BIRC6: variants seen among roughly 807,000 people sequenced by gnomAD.
The protein encoded by BIRC6 is dual E2 ubiquitin-conjugating enzyme/E3 ubiquitin-protein ligase BIRC6.
BIRC6 carries 98 observed loss-of-function variants against 503.3 expected under a neutral mutation model. That is an observed-to-expected ratio of 0.19 (90% CI 0.17 to 0.23). The LOEUF is 0.23. Among genes scored for constraint, BIRC6 ranks in the 10% least tolerant of loss-of-function variants. BIRC6 has a pLI of 1.00. For synonymous variants in BIRC6, 2,240 were observed against 2,078.7 expected, an observed-to-expected ratio of 1.08 and a Z score of -2.11; for missense variants, 5,360 against 5,806.0, an observed-to-expected ratio of 0.92 and a Z score of 2.50.
intron 71 of BIRC6, among the ~76,000 whole-genome samples, chr2:32,605,425 T>A (rs553400833): frequency 6.6e-6 from 1 of 152,328 alleles, no homozygotes; most frequent in East Asian, 1.9e-4. Flanking sequence ...AAATTTGTAA[T>A]GAATATTTAA....
intron 1 of BIRC6, among the ~76,000 whole-genome samples, chr2:32,377,249 G>GTGTA (rs1553379511): frequency 3.4e-5 from 5 of 148,410 alleles, no homozygotes; most frequent in African/African-American, 1.0e-4. Flanking sequence ...GTGTGTGTGT[G>GTGTA]TATACACATC....
chr2:32,544,638 C>T (rs1426044976), intron 62 of BIRC6, among the ~76,000 whole-genome samples: 2 of 151,426 alleles, frequency 1.3e-5, no homozygotes, highest in Non-Finnish European at 3.0e-5. Context: ...ATGTTAAGTT[C>T]TGTACTACAA....
intron 65 of BIRC6, among the ~76,000 whole-genome samples, chr2:32,556,095 A>G (rs2058761112): frequency 1.3e-5 from 2 of 152,228 alleles, no homozygotes; most frequent in Non-Finnish European, 2.9e-5. Flanking sequence ...CTAGCAAGGC[A>G]TGTTGATAGC....
chr2:32,547,837 T>C lies in BIRC6; in HGVS notation c.12811-13T>C, dbSNP rs2058158583. ...ACAAATTGTAATGGATTTTCATTTT[T>C]TGTTATTTTAAGCCACAGGTGTCAA... On this transcript the variant is annotated splice_polypyrimidine_tract_variant and intron_variant, in intron 63 of 73. Transcript: ENST00000421745. 1 of 1,534,274 alleles carries C rather than the reference T, an allele frequency of 6.5e-7. No homozygotes were observed. The highest frequency in any genetic ancestry group is 2.3e-5 in the East Asian group (1 of 42,804).
At chr2:32,437,908 G>C (rs1202103483) in intron 15 of BIRC6, among the ~76,000 whole-genome samples, 1 of 152,170 alleles carries the variant, frequency 6.6e-6, no homozygotes, top group Non-Finnish European at 1.5e-5. Flanking sequence ...TGTTCAATGA[G>C]AGTGTGCATC....
Position 32,430,996 on chromosome 2 carries a change from G to A in BIRC6, c.3154G>A (p.Glu1052Lys). ...TCCATGCTGGGTAGAAGTTCAACAA[G>A]AACAGCAGCAAAGGAGGCATCCTCA... The part of the protein sequence containing the change: ...VPPCWVEVQQ[E>K]QQQRRHPQHL... The change falls in exon 12 of 74, where the codon GAA becomes AAA. Residue 1052 changes from glutamate (E) to lysine (K), a missense_variant. Glu to Lys is a moderately conservative substitution (Grantham distance 56). Transcript: ENST00000421745. The A allele has an allele frequency of 6.2e-7, 1 of 1,613,002 alleles. No homozygotes were observed. The highest frequency in any genetic ancestry group is 8.5e-7 in the Non-Finnish European group (1 of 1,179,642).
chr2:32,386,251 G>GT (rs2038440177), intron 3 of BIRC6, among the ~76,000 whole-genome samples: 1 of 152,136 alleles, frequency 6.6e-6, no homozygotes, highest in Non-Finnish European at 1.5e-5. Flanking sequence ...GGATAGAACT[G>GT]TAACTACCTA....
At chr2:32,422,704 ACT>A (rs1277622100) in intron 10 of BIRC6, among the ~76,000 whole-genome samples, 1 of 151,924 alleles carries the variant, frequency 6.6e-6, no homozygotes, top group Non-Finnish European at 1.5e-5. Context: ...ATGATACCAA[ACT>A]CTAACTAGTT....
intron 72 of BIRC6, 38 bp downstream of exon 72, chr2:32,607,681 A>G: frequency 3.3e-6 from 5 of 1,531,108 alleles, no homozygotes; most frequent in Non-Finnish European, 4.4e-6. Context: ...TTTGTTAAAG[A>G]CATTTTACAA....
chr2:32,604,824 T>C (rs1178693870), intron 71 of BIRC6, among the ~76,000 whole-genome samples: 1 of 152,186 alleles, frequency 6.6e-6, no homozygotes, highest in East Asian at 1.9e-4. Flanking sequence ...GATTATTTTG[T>C]CACTCTGGTA....
At chr2:32,418,635 C>T (rs188979765) in intron 10 of BIRC6, among the ~76,000 whole-genome samples, 61 of 152,268 alleles carry the variant, frequency 4.0e-4, no homozygotes, top group Non-Finnish European at 7.6e-4. Flanking sequence ...CATGGCACCC[C>T]GGTGCACATC....
Position 32,488,685 on chromosome 2 carries a change from A to G in BIRC6, c.8066A>G (p.Asn2689Ser), listed in dbSNP as rs754551650. ...NGADIFLYNA[N>S]RIPVISLNQA... ...GCAGACATATTTTTATATAATGCTA[A>G]TAGGATACCTGTTATTTCATTAAAT... is the stretch of plus-strand genomic sequence containing the variant. Residue 2689 changes from asparagine (N) to serine (S), a missense_variant, in exon 42 of 74, where the codon AAT (asparagine) becomes AGT (serine). Asn to Ser is a conservative substitution (Grantham distance 46, BLOSUM62 1). Coordinates refer to ENST00000421745, the MANE Select transcript of BIRC6 (RefSeq NM_016252.4). 1 of 1,450,010 alleles carries G rather than the reference A, an allele frequency of 6.9e-7. No homozygotes were observed. The highest frequency in any genetic ancestry group is 2.2e-5 in the Admixed American group (1 of 45,918). The allele number at this position is 1,450,010 out of a possible 1,614,324, so 89.8% of individuals were successfully genotyped here. A position where few individuals can be genotyped will look rare whatever the true frequency, so the allele number is the denominator to read the frequency against.
At chr2:32,582,640 C>G (rs1369164283) in intron 66 of BIRC6, among the ~76,000 whole-genome samples, 2 of 152,088 alleles carry the variant, frequency 1.3e-5, no homozygotes, top group Admixed American at 6.6e-5. Flanking sequence ...TGGCACGCAC[C>G]CGTAATCCCA....
At chr2:32,364,050 A>G (rs1487928426) in intron 1 of BIRC6, among the ~76,000 whole-genome samples, 1 of 152,232 alleles carries the variant, frequency 6.6e-6, no homozygotes, top group Non-Finnish European at 1.5e-5. Context: ...AAGTTAAGAT[A>G]GTTGTATTAC....
intron 61 of BIRC6, among the ~76,000 whole-genome samples, chr2:32,533,970 T>G (rs927231703): frequency 6.6e-6 from 1 of 152,194 alleles, no homozygotes; most frequent in Non-Finnish European, 1.5e-5. Flanking sequence ...TGCCTTTGTC[T>G]GGTTTTGGTG....
chr2:32,442,957 T>C (rs1451646577), intron 19 of BIRC6, among the ~76,000 whole-genome samples: 3 of 152,216 alleles, frequency 2.0e-5, no homozygotes, highest in African/African-American at 7.2e-5. Flanking sequence ...CTGAGCCATA[T>C]ATATAGTATT....
At chr2:32,374,225 A>C (rs1161107771) in intron 1 of BIRC6, among the ~76,000 whole-genome samples, 1 of 152,216 alleles carries the variant, frequency 6.6e-6, no homozygotes, top group South Asian at 2.1e-4. Context: ...AAAAAAATCC[A>C]ATGGCCATGT....
At chr2:32,438,232 A>G (rs968870637) in intron 15 of BIRC6, among the ~76,000 whole-genome samples, 6 of 152,256 alleles carry the variant, frequency 3.9e-5, no homozygotes, top group Non-Finnish European at 7.3e-5. Context: ...GATAAGTGCT[A>G]AGTTTTTTTG....
intron 15 of BIRC6, among the ~76,000 whole-genome samples, chr2:32,437,589 T>C (rs1483861449): frequency 6.6e-6 from 1 of 152,190 alleles, no homozygotes; most frequent in Non-Finnish European, 1.5e-5. Context: ...CCAGAAGTGT[T>C]TCAGATTTCA....
Sources: allele counts gnomAD v4.1 joint callset (sites outside exome capture counted in the v4.1 genomes callset), GRCh38; gene constraint gnomAD v4.1.1; transcripts MANE v1.5; gene names NCBI Gene and HGNC (gene_info 2026-07-23, HGNC 2026-07-21).